Variants in ARRDC4 observed in about 807,000 individuals in gnomAD.
ARRDC4 encodes arrestin domain-containing protein 4.
A neutral mutation model predicts 44.6 loss-of-function variants in ARRDC4; 40 were observed. The observed-to-expected ratio is 0.90, with a 90% CI of 0.70 to 1.17. The LOEUF (loss-of-function observed/expected upper bound fraction) is 1.17. Among genes scored for constraint, ARRDC4 ranks in the 50% most tolerant of loss-of-function variants. The probability of loss-of-function intolerance (pLI) is 0.00; values close to 1 mark genes in which losing one functional copy is unlikely to be tolerated. For synonymous variants in ARRDC4, 211 were observed against 221.2 expected, an observed-to-expected ratio of 0.95 and a Z score of 0.41; for missense variants, 550 against 559.1, an observed-to-expected ratio of 0.98 and a Z score of 0.16.
intron 5 of ARRDC4, 63 bp downstream of exon 5, chr15:97,969,442 T>C: frequency 6.4e-7 from 1 of 1,572,280 alleles, no homozygotes; most frequent in Non-Finnish European, 8.7e-7. Flanking sequence ...GTCATGTTAC[T>C]GTGGGTATGT....
rs1899538362 is a variant in ARRDC4, at chr15:97,972,845, C to A, written c.*1658C>A. On this transcript the variant is annotated 3_prime_UTR_variant, in exon 8 of 8. Transcript: ENST00000268042. The surrounding 1 kb of genome is among the most constrained non-coding windows in gnomAD (Gnocchi z 5.3). Reference sequence around the variant, plus strand: ...CAGGGAATTTTCTACACACATTAGGCAAATGTATGCTTTTCATCCTCTGGG... The same window carrying A: ...CAGGGAATTTTCTACACACATTAGGAAAATGTATGCTTTTCATCCTCTGGG... 6.6e-6 allele frequency: 1 copy of A among 152,596 alleles called. No individual in the cohort carries two copies. The highest frequency in any genetic ancestry group is 2.4e-5 in the African/African-American group (1 of 41,442). 9.5% of individuals were successfully genotyped at this position (152,596 alleles called of 1,614,324 possible). A position where few individuals can be genotyped will look rare whatever the true frequency, so the allele number is the denominator to read the frequency against.
rs1899451685 is a variant in ARRDC4, at chr15:97,968,245, CATT to C, written c.625+130_625+132del. 1 of 430,842 alleles carries C rather than the reference CATT, an allele frequency of 2.3e-6. No homozygotes were observed. Among genetic ancestry groups the C allele is most frequent in the South Asian group, 9.6e-5 (1 of 10,448 alleles). The allele number at this position is 430,842 out of a possible 1,614,324, so 26.7% of individuals were successfully genotyped here. On this transcript the variant is annotated intron_variant, in intron 4 of 7. Transcript: ENST00000268042. This position sits in a 1 kb window ranked among gnomAD's most constrained non-coding sequence, Gnocchi z 5.4. ...GTATTTTAAAACATGAATAGTGATA[CATT>C]TTTTATATAAATAATTGATATTTAA...
chr15:97,965,845 T>C lies in ARRDC4; in HGVS notation c.375-50T>C. ...ATTTTAAACCATGCTTTTTTTGGCT[T>C]TGTTTAACTGAAAAGTAAACTCATA... On this transcript the variant is annotated intron_variant, in intron 2 of 7. Coordinates refer to ENST00000268042, the MANE Select transcript of ARRDC4 (RefSeq NM_183376.3). This position sits in a 1 kb window ranked among gnomAD's most constrained non-coding sequence, Gnocchi z 5.1. The C allele has an allele frequency of 6.3e-7, 1 of 1,593,276 alleles. No homozygotes were observed. The highest frequency in any genetic ancestry group is 8.5e-7 in the Non-Finnish European group (1 of 1,169,972).
intron 5 of ARRDC4, 69 bp from the exon 6 acceptor site, chr15:97,969,814 T>C: frequency 7.3e-7 from 1 of 1,378,608 alleles, no homozygotes. Context: ...AGAAATTAAT[T>C]GGGCTACCTA....
rs757281279 is a variant in ARRDC4 at position 97,968,110 on chromosome 15, T to A, written c.619T>A (p.Cys207Ser). The change falls in exon 4 of 8, where the codon TGT becomes AGT. Residue 207 changes from cysteine to serine, a missense_variant. Coordinates refer to ENST00000268042, the MANE Select transcript of ARRDC4 (RefSeq NM_183376.3). The surrounding 1 kb of genome is among the most constrained non-coding windows in gnomAD (Gnocchi z 5.4). ...TGCCAAAATTGAAAGAAAGGGATAC[T>A]GTAATGGTAAGCAAAATGCTTGAAA... is the stretch of plus-strand genomic sequence containing the variant. ...LSAKIERKGY[C>S]NGEAIPIYAE... 2.0e-5 allele frequency: 31 copies of A among 1,567,208 alleles called. No homozygotes were observed. The highest frequency in any genetic ancestry group is 3.4e-4 in the Middle Eastern group (2 of 5,924).
intron 1 of ARRDC4, among the ~76,000 whole-genome samples, chr15:97,962,687 C>G (rs893837648): frequency 6.6e-6 from 1 of 152,102 alleles, no homozygotes; most frequent in African/African-American, 2.4e-5. Flanking sequence ...AAATCTTAAA[C>G]TTGTTTTAGA....
chr15:97,965,048 A>G lies in ARRDC4; in HGVS notation c.308-552A>G, dbSNP rs1397652835. Among the ~76,000 whole-genome samples the G allele has an allele frequency of 1.3e-5, 2 of 151,826 alleles. No homozygotes were observed. The highest frequency in any genetic ancestry group is 3.9e-4 in the East Asian group (2 of 5,126). Reference sequence around the variant, plus strand: ...CATATCCATATACACATATATATGTATGTTGGAGTTCTGAACCTTAGCACT... The same window carrying G: ...CATATCCATATACACATATATATGTGTGTTGGAGTTCTGAACCTTAGCACT... On this transcript the variant is annotated intron_variant, in intron 1 of 7. Transcript: ENST00000268042. This position sits in a 1 kb window ranked among gnomAD's most constrained non-coding sequence, Gnocchi z 5.1.
intron 7 of ARRDC4, 43 bp from the exon 8 acceptor site, chr15:97,971,088 A>G: frequency 6.2e-7 from 1 of 1,600,524 alleles, no homozygotes; most frequent in Non-Finnish European, 8.6e-7. Context: ...AATCGTTTTA[A>G]ATAATGCTAC....
Position 97,970,725 on chromosome 15 carries a change from C to T in ARRDC4, c.1182C>T (p.Pro394=), listed in dbSNP as rs751032895. 3.1e-6 allele frequency: 5 copies of T among 1,612,864 alleles called. No homozygotes were observed. The Admixed American group carries it at 8.4e-5, about 27-fold the overall frequency. ...FACIQEFRFQ[P]PPLYSEVDPH... is the part of the protein sequence containing the mutation. ...GTATACAAGAATTCCGGTTTCAACC[C>T]CCACCTCTTTATTCAGAGGTAAGCA... The change falls in exon 7 of 8, where the codon CCC becomes CCT. Residue 394 remains proline (P), a synonymous_variant. Transcript: ENST00000268042. This position sits in a 1 kb window ranked among gnomAD's most constrained non-coding sequence, Gnocchi z 4.2.
Position 97,960,946 on chromosome 15 carries a change from A to C in ARRDC4, c.85A>C (p.Lys29Gln). ...GGGTCTGGTGTTCGAGGACGAGCGCAAGGGCTGCTATTCCAGCGGCGAGAC... is the reference window on the plus strand; with the variant it reads ...GGGTCTGGTGTTCGAGGACGAGCGCCAGGGCTGCTATTCCAGCGGCGAGAC... ...SLGLVFEDERKGCYSSGETVA... is the reference protein window; with the variant it reads ...SLGLVFEDERQGCYSSGETVA... The change falls in exon 1 of 8, where the codon AAG becomes CAG. Residue 29 changes from lysine to glutamine, a missense_variant. Physicochemically the swap from Lys to Gln is moderately conservative, Grantham distance 53. Transcript: ENST00000268042. The C allele has an allele frequency of 6.8e-7, 1 of 1,468,678 alleles. No individual in the cohort carries two copies. Among genetic ancestry groups the C allele is most frequent in the Non-Finnish European group, 9.0e-7 (1 of 1,107,780 alleles). 91.0% of individuals were successfully genotyped at this position (1,468,678 alleles called of 1,614,324 possible).
At chr15:97,961,260 C>A in intron 1 of ARRDC4, 92 bp downstream of exon 1, 1 of 1,164,346 alleles carries the variant, frequency 8.6e-7, no homozygotes, top group Non-Finnish European at 1.1e-6. Flanking sequence ...GCCCACCTGG[C>A]AGGTGAGATC....
Position 97,971,333 on chromosome 15 carries a change from G to A in ARRDC4, c.*146G>A. 5 of 812,194 alleles carry A rather than the reference G, an allele frequency of 6.2e-6. No individual in the cohort carries two copies. The highest frequency in any genetic ancestry group is 9.8e-6 in the Non-Finnish European group (5 of 512,538). The allele number at this position is 812,194 out of a possible 1,614,324, so 50.3% of individuals were successfully genotyped here. A position where few individuals can be genotyped will look rare whatever the true frequency, so the allele number is the denominator to read the frequency against. On this transcript the variant is annotated 3_prime_UTR_variant, in exon 8 of 8. Transcript: ENST00000268042. ...AGGCAATAGAAATTAAAGAATGTGA[G>A]AAAGTTCTGGTGGGCCGGCAGGATT...
chr15:97,961,815 T>G (rs1459761552), intron 1 of ARRDC4, among the ~76,000 whole-genome samples: 2 of 152,096 alleles, frequency 1.3e-5, no homozygotes, highest in African/African-American at 4.8e-5. Flanking sequence ...CCTACCCGCT[T>G]CTTCCCCTCT....
rs1899442458 is a variant in ARRDC4, at chr15:97,967,772, T to C, written c.523-242T>C. 6.6e-6 allele frequency among the ~76,000 whole-genome samples: 1 copy of C among 152,068 alleles called. No homozygotes were observed. Among genetic ancestry groups the C allele is most frequent in the Admixed American group, 6.6e-5 (1 of 15,246 alleles). ...GAAACATAATGACTTCAGGGTAAAATAAGATGGTGTCATGCTAATTTTTGA... is the reference window on the plus strand; with the variant it reads ...GAAACATAATGACTTCAGGGTAAAACAAGATGGTGTCATGCTAATTTTTGA... On this transcript the variant is annotated intron_variant, in intron 3 of 7. Transcript: ENST00000268042. This position sits in a 1 kb window ranked among gnomAD's most constrained non-coding sequence, Gnocchi z 5.0.
In ARRDC4 at chr15:97,972,101, T is replaced by C. The variant is rs887134700; in HGVS notation, c.*914T>C. 4.8e-5 allele frequency: 7 copies of C among 145,054 alleles called. No homozygotes were observed. Among genetic ancestry groups the C allele is most frequent in the African/African-American group, 1.8e-4 (6 of 34,284 alleles). 9.0% of individuals were successfully genotyped at this position (145,054 alleles called of 1,614,324 possible). On this transcript the variant is annotated 3_prime_UTR_variant, in exon 8 of 8. Coordinates refer to ENST00000268042, the MANE Select transcript of ARRDC4 (RefSeq NM_183376.3). This position sits in a 1 kb window ranked among gnomAD's most constrained non-coding sequence, Gnocchi z 5.3. ...ACCTCTAATGGGGTTATCAGATATG[T>C]TTTTAAATCTCTCGCCCTGAGTACT...
At position 97,965,755 on chromosome 15, in the gene ARRDC4, G is replaced by T. The variant is rs546691097; in HGVS notation, c.374+89G>T. ...CTGCTAGGTCTCTTCTGATTCTCAA[G>T]TATGCATGTTTACACTGAATAGTCC... On this transcript the variant is annotated intron_variant, in intron 2 of 7. Coordinates refer to ENST00000268042, the MANE Select transcript of ARRDC4 (RefSeq NM_183376.3). The surrounding 1 kb of genome is among the most constrained non-coding windows in gnomAD (Gnocchi z 5.1). 2 of 1,489,708 alleles carry T rather than the reference G, an allele frequency of 1.3e-6. No individual in the cohort carries two copies. Among genetic ancestry groups the T allele is most frequent in the African/African-American group, 2.8e-5 (2 of 72,118 alleles). 92.3% of individuals were successfully genotyped at this position (1,489,708 alleles called of 1,614,324 possible). A position where few individuals can be genotyped will look rare whatever the true frequency, so the allele number is the denominator to read the frequency against.
At position 97,970,891 on chromosome 15, in the gene ARRDC4, C is replaced by A. The variant is rs917741473; in HGVS notation, c.1200+148C>A. 1.3e-4 allele frequency: 137 copies of A among 1,074,640 alleles called. 1 individual carries two copies. Among genetic ancestry groups the A allele is most frequent in the Middle Eastern group, 7.1e-4 (3 of 4,248 alleles). 66.6% of individuals were successfully genotyped at this position (1,074,640 alleles called of 1,614,324 possible). ...TTTATACAGTGGTAATAGATTATCG[C>A]TGATTCATTTGCCAGATTTTTTTAC... On this transcript the variant is annotated intron_variant, in intron 7 of 7. Transcript: ENST00000268042. This position sits in a 1 kb window ranked among gnomAD's most constrained non-coding sequence, Gnocchi z 4.2.
chr15:97,970,506 G>A lies in ARRDC4; in HGVS notation c.1046-83G>A. 1 of 1,394,674 alleles carries A rather than the reference G, an allele frequency of 7.2e-7. No homozygotes were observed. Among genetic ancestry groups the A allele is most frequent in the East Asian group, 2.3e-5 (1 of 42,662 alleles). 86.4% of individuals were successfully genotyped at this position (1,394,674 alleles called of 1,614,324 possible). ...GCCATATTTTTTATCTTCAAGTTTA[G>A]CTGTTTCTTGTTTTTGTAGCAGTTA... On this transcript the variant is annotated intron_variant, in intron 6 of 7. Coordinates refer to ENST00000268042, the MANE Select transcript of ARRDC4 (RefSeq NM_183376.3). The surrounding 1 kb of genome is among the most constrained non-coding windows in gnomAD (Gnocchi z 4.2).
At chr15:97,964,548 G>T (rs1899381802) in intron 1 of ARRDC4, among the ~76,000 whole-genome samples, 1 of 152,124 alleles carries the variant, frequency 6.6e-6, no homozygotes, top group African/African-American at 2.4e-5. Flanking sequence ...TTCATCAGAG[G>T]TTTCAGTGGT....
Sources: allele counts gnomAD v4.1 joint callset (sites outside exome capture counted in the v4.1 genomes callset), GRCh38; gene constraint gnomAD v4.1.1; non-coding constraint Gnocchi (gnomAD v3.1); transcripts MANE v1.5; gene names NCBI Gene and HGNC (gene_info 2026-07-23, HGNC 2026-07-21).